The following UQCC1 variants were observed in gnomAD, a reference collection of about 807,000 sequenced individuals.
UQCC1 encodes the protein bFGF-repressed Zic-binding protein.
Under a neutral mutation model 48.0 loss-of-function variants are expected in UQCC1, and 38 were observed. That is an observed-to-expected ratio of 0.79 (90% CI 0.61 to 1.04). The LOEUF (loss-of-function observed/expected upper bound fraction) is 1.04. Ranked by LOEUF, UQCC1 falls within the 50% of genes least tolerant of loss-of-function variation. The pLI is 0.00. For missense variants in UQCC1, 368 were observed against 381.8 expected (o/e 0.96, Z 0.30); for synonymous variants, 111 against 129.2 (o/e 0.86, Z 0.95).
chr20:35,337,987 G>A (rs1027038623), intron 7 of UQCC1, among the ~76,000 whole-genome samples: 2 of 150,276 alleles, frequency 1.3e-5, no homozygotes, highest in Non-Finnish European at 3.0e-5. Context: ...CTCCTGGCCC[G>A]GCCCCTTCAA....
intron 2 of UQCC1, among the ~76,000 whole-genome samples, chr20:35,386,726 G>A (rs2061948430): frequency 6.6e-6 from 1 of 151,978 alleles, no homozygotes; most frequent in Admixed American, 6.6e-5. Context: ...CACAGCTCTA[G>A]GAGTAACCAG....
At chr20:35,378,683 T>C (rs2061831714) in intron 4 of UQCC1, among the ~76,000 whole-genome samples, 1 of 152,192 alleles carries the variant, frequency 6.6e-6, no homozygotes, top group Admixed American at 6.5e-5. Flanking sequence ...GAACCTTCTA[T>C]TGTCTACTGG....
intron 4 of UQCC1, among the ~76,000 whole-genome samples, chr20:35,378,682 A>G (rs975631488): frequency 3.9e-5 from 6 of 152,188 alleles, no homozygotes; most frequent in Admixed American, 3.3e-4. Context: ...TGAACCTTCT[A>G]TTGTCTACTG....
chr20:35,317,999 ACTCAGAC>A (rs1470232679), intron 7 of UQCC1, among the ~76,000 whole-genome samples: 1 of 152,162 alleles, frequency 6.6e-6, no homozygotes, highest in Non-Finnish European at 1.5e-5. Flanking sequence ...TGAGACTACA[ACTCAGAC>A]CTCCTGATAC....
chr20:35,407,089 C>A (rs2062262699), intron 1 of UQCC1, among the ~76,000 whole-genome samples: 1 of 152,144 alleles, frequency 6.6e-6, no homozygotes, highest in Non-Finnish European at 1.5e-5. Flanking sequence ...GGAATGGCTT[C>A]ATGACATTGG....
chr20:35,365,221 A>G (rs1388704628), intron 6 of UQCC1, among the ~76,000 whole-genome samples: 1 of 152,200 alleles, frequency 6.6e-6, no homozygotes, highest in Admixed American at 6.5e-5. Context: ...TTTATTATAT[A>G]ACTTAGGCAT....
chr20:35,410,777 AC>A (rs1568722626), intron 1 of UQCC1, among the ~76,000 whole-genome samples: 2 of 141,784 alleles, frequency 1.4e-5, no homozygotes, highest in East Asian at 2.1e-4. Context: ...AAAAAAAAAA[AC>A]CACTAAATTC....
intron 6 of UQCC1, among the ~76,000 whole-genome samples, chr20:35,360,515 TA>T (rs998246240): frequency 1.1e-4 from 16 of 152,196 alleles, no homozygotes; most frequent in African/African-American, 3.6e-4. Context: ...AAAAAACAAT[TA>T]ATGCTTCCCT....
rs80018709 is a variant in UQCC1, at chr20:35,356,971, A to T, written c.464+9586T>A. Among the ~76,000 whole-genome samples the T allele has an allele frequency of 2.9e-4, 44 of 152,384 alleles. No individual in the cohort carries two copies. In the East Asian group the frequency reaches 8.3e-3, roughly 29 times the overall value. ...ATTTAATAGAGACACGAAAAAAATA[A>T]CAGAGCAATTGAGGTTCAACAGGTA... is the stretch of plus-strand genomic sequence containing the variant. On this transcript the variant is annotated intron_variant, in intron 6 of 9. Transcript: ENST00000374385.
rs372521558 is a variant in UQCC1, at chr20:35,385,346, A to T, written c.130-1213T>A. On this transcript the variant is annotated intron_variant, in intron 2 of 9. Transcript: ENST00000374385. The stretch of plus-strand genomic sequence containing the variant: ...TCATGTTCACATTGCATTTAAAAAC[A>T]ATTTGGCAATAAAATAGCCGTTATT... 6.6e-5 allele frequency among the ~76,000 whole-genome samples: 10 copies of T among 152,362 alleles called. No homozygotes were observed. In the East Asian group the frequency reaches 1.5e-3, roughly 23 times the overall value.
At chr20:35,331,257 AG>A (rs2061253721) in intron 7 of UQCC1, among the ~76,000 whole-genome samples, 1 of 152,182 alleles carries the variant, frequency 6.6e-6, no homozygotes, top group South Asian at 2.1e-4. Context: ...GGCCTAGGAA[AG>A]GGGGCAACAC....
intron 7 of UQCC1, among the ~76,000 whole-genome samples, chr20:35,317,741 T>A (rs1373446455): frequency 6.6e-6 from 1 of 152,222 alleles, no homozygotes; most frequent in Non-Finnish European, 1.5e-5. Flanking sequence ...TAAGACAGGC[T>A]TGCTGGTAAC....
rs754356000 is a variant in UQCC1 at position 35,306,640 on chromosome 20, G to C, written c.765+26C>G. On this transcript the variant is annotated intron_variant, in intron 9 of 9. Transcript: ENST00000374385. ...GGAGGACCCACTGTTGCCAGGACTT[G>C]GGAGGGGAGGGAAAGGGTCACTCAC... 1.9e-6 allele frequency: 3 copies of C among 1,577,328 alleles called. No homozygotes were observed. The Admixed American group carries it at 5.0e-5, about 26-fold the overall frequency.
At chr20:35,317,717 C>G (rs1568652249) in intron 7 of UQCC1, among the ~76,000 whole-genome samples, 1 of 152,196 alleles carries the variant, frequency 6.6e-6, no homozygotes, top group Non-Finnish European at 1.5e-5. Flanking sequence ...CAGAGCCTAA[C>G]CCAGAGCAGG....
At chr20:35,344,272 C>A (rs1201345164) in intron 7 of UQCC1, 1 of 152,192 alleles carries the variant, frequency 6.6e-6, no homozygotes, top group Non-Finnish European at 1.5e-5. Context: ...GGAGAAGGCT[C>A]AAGTGTTGAC....
At chr20:35,331,615 T>C (rs970687291) in intron 7 of UQCC1, among the ~76,000 whole-genome samples, 1 of 152,214 alleles carries the variant, frequency 6.6e-6, no homozygotes, top group Non-Finnish European at 1.5e-5. Flanking sequence ...GGGGTTACTA[T>C]TTCCCCAGGC....
intron 4 of UQCC1, among the ~76,000 whole-genome samples, chr20:35,381,572 G>A (rs2061868130): frequency 6.6e-6 from 1 of 152,174 alleles, no homozygotes; most frequent in African/African-American, 2.4e-5. Flanking sequence ...TGGACCTTGA[G>A]AGCTTACTTG....
At chr20:35,394,246 C>G in intron 1 of UQCC1, 50 bp from the exon 2 acceptor site, 2 of 1,484,348 alleles carry the variant, frequency 1.3e-6, no homozygotes, top group Non-Finnish European at 1.9e-6. Context: ...ATACTCCCTA[C>G]ATGGAAGGCA....
At chr20:35,392,240 G>A in intron 2 of UQCC1, 1 of 1,304,242 alleles carries the variant, frequency 7.7e-7, no homozygotes, top group Non-Finnish European at 1.0e-6. Flanking sequence ...ATGTACCTGA[G>A]GATGCCATTC....
Sources: allele counts gnomAD v4.1 joint callset (sites outside exome capture counted in the v4.1 genomes callset), GRCh38; gene constraint gnomAD v4.1.1; transcripts MANE v1.5; gene names NCBI Gene and HGNC (gene_info 2026-07-23, HGNC 2026-07-21).